Variants in DZANK1 observed in about 807,000 individuals in gnomAD.
DZANK1 encodes double zinc ribbon and ankyrin repeat-containing protein 1.
DZANK1 carries 91 observed loss-of-function variants against 94.5 expected under a neutral mutation model. That is an observed-to-expected ratio of 0.96 (90% confidence interval 0.81 to 1.15). The LOEUF (loss-of-function observed/expected upper bound fraction) is 1.15. Ranked by LOEUF, DZANK1 falls within the 50% of genes most tolerant of loss-of-function variation. DZANK1 has a pLI of 0.00. For synonymous variants in DZANK1, 312 were observed against 325.3 expected (o/e 0.96, Z 0.44); for missense variants, 903 against 916.4 (o/e 0.99, Z 0.19).
intron 8 of DZANK1, among the ~76,000 whole-genome samples, chr20:18,437,848 G>C (rs1388220441): frequency 6.6e-6 from 1 of 151,998 alleles, no homozygotes; most frequent in African/African-American, 2.4e-5. Context: ...GTAATCTCTA[G>C]AGCTTAAGAT....
intron 13 of DZANK1, among the ~76,000 whole-genome samples, chr20:18,401,814 G>A (rs1416333901): frequency 3.9e-5 from 6 of 152,152 alleles, no homozygotes; most frequent in Non-Finnish European, 5.9e-5. Context: ...TTCAGCTCTC[G>A]TAAGGCCTAG....
At chr20:18,452,073 T>C (rs75823584) in intron 6 of DZANK1, 1 of 6,472 alleles carries the variant, frequency 1.5e-4, no homozygotes, top group African/African-American at 2.8e-3. Flanking sequence ...TAGGGGTGGT[T>C]TTTTTTTTTT....
At chr20:18,459,037 CTT>C (rs1278250037) in intron 3 of DZANK1, among the ~76,000 whole-genome samples, 3 of 152,224 alleles carry the variant, frequency 2.0e-5, no homozygotes, top group Admixed American at 6.5e-5. Flanking sequence ...TTTACTCTCT[CTT>C]GAAAGCCTTA....
intron 8 of DZANK1, among the ~76,000 whole-genome samples, chr20:18,434,221 A>G (rs1335088124): frequency 6.6e-6 from 1 of 151,994 alleles, no homozygotes; most frequent in African/African-American, 2.4e-5. Context: ...GCATGATGGA[A>G]TGAGGAGGTC....
intron 13 of DZANK1, among the ~76,000 whole-genome samples, chr20:18,407,074 C>T (rs1042316631): frequency 6.6e-6 from 1 of 152,212 alleles, no homozygotes; most frequent in Non-Finnish European, 1.5e-5. Flanking sequence ...TTTACTCTAA[C>T]CCTTGGCTCC....
At chr20:18,395,151 A>T (rs991406607) in intron 15 of DZANK1, among the ~76,000 whole-genome samples, 7 of 152,186 alleles carry the variant, frequency 4.6e-5, no homozygotes, top group Non-Finnish European at 1.0e-4. Context: ...ACTTGAGGCC[A>T]GGAGTTCGAG....
At chr20:18,395,617 C>T (rs1600738430) in intron 15 of DZANK1, among the ~76,000 whole-genome samples, 1 of 152,112 alleles carries the variant, frequency 6.6e-6, no homozygotes, top group East Asian at 1.9e-4. Flanking sequence ...TCCTCCTTGC[C>T]TCAACTGGGG....
Position 18,394,361 on chromosome 20 carries a change from A to AAAACATTT in DZANK1, c.1612-19_1612-12dup. On this transcript the variant is annotated splice_polypyrimidine_tract_variant and intron_variant, in intron 15 of 20. Coordinates refer to ENST00000262547, the Ensembl canonical transcript of DZANK1. ...GTTCAGGTAAAGGTTCTGGCCAATG[A>AAAACATTT]AAACATTTAAACACCATGAATGATG... 1 of 1,611,682 alleles carries AAAACATTT rather than the reference A, an allele frequency of 6.2e-7. No individual in the cohort carries two copies. The highest frequency in any genetic ancestry group is 8.5e-7 in the Non-Finnish European group (1 of 1,178,914).
chr20:18,403,493 A>G (rs2056792143), intron 13 of DZANK1, among the ~76,000 whole-genome samples: 1 of 152,220 alleles, frequency 6.6e-6, no homozygotes, highest in African/African-American at 2.4e-5. Flanking sequence ...CATTTGTAAC[A>G]AAGTGTGGGA....
rs536046566 is a variant in DZANK1 at position 18,417,529 on chromosome 20, A to G, written c.955-2080T>C. On this transcript the variant is annotated intron_variant, in intron 10 of 20. Coordinates refer to ENST00000262547, the Ensembl canonical transcript of DZANK1. ...AGTGTCATTTTATGATGAGAGAGTG[A>G]TATCAAGTCTAAAACCACATTAATA... 2.1e-5 allele frequency among the ~76,000 whole-genome samples: 3 copies of G among 141,830 alleles called. No homozygotes were observed. The East Asian group carries it at 6.0e-4, about 28-fold the overall frequency. The allele number at this position is 141,830 out of a possible 152,430, so 93.0% of individuals were successfully genotyped here. A position where few individuals can be genotyped will look rare whatever the true frequency, so the allele number is the denominator to read the frequency against.
At chr20:18,429,444 G>A (rs1189818426) in intron 9 of DZANK1, among the ~76,000 whole-genome samples, 1 of 152,036 alleles carries the variant, frequency 6.6e-6, no homozygotes, top group Non-Finnish European at 1.5e-5. Flanking sequence ...TATTTTTAGA[G>A]CAGTTTAAGG....
chr20:18,410,032 C>CAAAAAAA (rs33981503), intron 13 of DZANK1, among the ~76,000 whole-genome samples: 1 of 90,580 alleles, frequency 1.1e-5, no homozygotes, highest in African/African-American at 4.4e-5. Context: ...GACTCCGTCT[C>CAAAAAAA]AAAAAAAAAA....
intron 7 of DZANK1, among the ~76,000 whole-genome samples, chr20:18,447,711 G>A (rs1251943786): frequency 6.6e-6 from 1 of 152,076 alleles, no homozygotes; most frequent in Non-Finnish European, 1.5e-5. Flanking sequence ...CACATGAAAA[G>A]AGGCTCAACA....
intron 9 of DZANK1, among the ~76,000 whole-genome samples, chr20:18,429,062 C>G (rs1326302563): frequency 2.0e-5 from 3 of 152,218 alleles, no homozygotes; most frequent in Non-Finnish European, 4.4e-5. Flanking sequence ...ACAGCATAAT[C>G]AGCAATTGGC....
At chr20:18,415,518 A>G (rs1484266086) in intron 10 of DZANK1, 69 bp from the exon 11 acceptor site, 8 of 1,312,456 alleles carry the variant, frequency 6.1e-6, no homozygotes, top group South Asian at 3.0e-5. Flanking sequence ...CCAATTCAAA[A>G]AAGATAAAAA....
At position 18,446,064 on chromosome 20, in the gene DZANK1, C is replaced by CAAA. The variant is rs144762783; in HGVS notation, c.630-2603_630-2601dup. Among the ~76,000 whole-genome samples, 23 of 124,674 alleles carry CAAA rather than the reference C, an allele frequency of 1.8e-4. 1 individual carries two copies. Among genetic ancestry groups the CAAA allele is most frequent in the East Asian group, 1.1e-3 (5 of 4,626 alleles). 81.8% of individuals were successfully genotyped at this position (124,674 alleles called of 152,430 possible). On this transcript the variant is annotated intron_variant, in intron 7 of 20. Transcript: ENST00000262547. Reference sequence around the variant, plus strand: ...ATAGGCATGGGCCACCACGCCCAGCCAAAAAAAAAAAAAAGAAAAAAAGTT... The same window carrying CAAA: ...ATAGGCATGGGCCACCACGCCCAGCCAAAAAAAAAAAAAAAAAGAAAAAAAGTT...
At chr20:18,405,188 C>G (rs13045092) in intron 13 of DZANK1, among the ~76,000 whole-genome samples, 17,945 of 151,834 alleles carry the variant, frequency 0.12, 1,638 homozygotes, top group East Asian at 0.53. Context: ...CAGAGCAAGA[C>G]TCTGCCTATA....
At chr20:18,406,942 G>T (rs1035737870) in intron 13 of DZANK1, among the ~76,000 whole-genome samples, 3 of 152,244 alleles carry the variant, frequency 2.0e-5, no homozygotes, top group Non-Finnish European at 2.9e-5. Flanking sequence ...ACCAGTAGTG[G>T]TGGTGGCCAC....
At position 18,441,656 on chromosome 20, in the gene DZANK1, AT is replaced by A; in HGVS notation, c.747+1690del. Among the ~76,000 whole-genome samples, 1 of 152,342 alleles carries A rather than the reference AT, an allele frequency of 6.6e-6. No homozygotes were observed. The highest frequency in any genetic ancestry group is 2.1e-4 in the South Asian group (1 of 4,826). Reference sequence around the variant, plus strand: ...ATTGAGTGTGGTTGTCACCCACCGGATGGCAGAGAAGTTCACTGAGGTGACA... The same window carrying A: ...ATTGAGTGTGGTTGTCACCCACCGGAGGCAGAGAAGTTCACTGAGGTGACA... On this transcript the variant is annotated intron_variant, in intron 8 of 20. Transcript: ENST00000262547. This position sits in a 1 kb window ranked among gnomAD's most constrained non-coding sequence, Gnocchi z 4.1.
Sources: gnomAD v4.1 joint callset for allele counts (sites outside exome capture counted in the v4.1 genomes callset) on GRCh38, gnomAD v4.1.1 for gene constraint, Gnocchi (gnomAD v3.1) non-coding constraint, MANE v1.5 for transcripts, NCBI Gene and HGNC (gene_info 2026-07-23, HGNC 2026-07-21) for gene names.